The following EXOC6 variants were observed in gnomAD, a reference collection of about 807,000 sequenced individuals.
The protein encoded by EXOC6 is SEC15-like 1.
In EXOC6, 60 loss-of-function variants were observed where a neutral mutation model predicts 112.5. The ratio of observed to expected loss-of-function variants is 0.53; its 90% CI spans 0.43 to 0.66. EXOC6 has a LOEUF of 0.66. Ranked by LOEUF, EXOC6 falls within the 30% of genes least tolerant of loss-of-function variation. The pLI is 0.00. For missense variants in EXOC6, 855 were observed against 957.1 expected (o/e 0.89, Z 1.41); for synonymous variants, 295 against 308.0 (o/e 0.96, Z 0.44).
At chr10:92,895,926 AT>A (rs1174139448) in intron 4 of EXOC6, among the ~76,000 whole-genome samples, 84 of 99,182 alleles carry the variant, frequency 8.5e-4, no homozygotes, top group Admixed American at 2.1e-3. Context: ...TAAACTTATT[AT>A]TTTTTTTTTA....
chr10:93,002,111 A>G (rs1843783022), intron 19 of EXOC6, among the ~76,000 whole-genome samples: 1 of 152,186 alleles, frequency 6.6e-6, no homozygotes, highest in African/African-American at 2.4e-5. Context: ...TTGAAGCTAC[A>G]GGATTCTATT....
chr10:92,997,331 A>G, intron 18 of EXOC6, 143 bp from the exon 19 acceptor site: 1 of 629,132 alleles, frequency 1.6e-6, no homozygotes, highest in Non-Finnish European at 2.5e-6. Context: ...CACTCAGAAT[A>G]CAGAAACAGG....
At chr10:92,932,566 G>GT (rs1408039047) in intron 9 of EXOC6, among the ~76,000 whole-genome samples, 9 of 152,060 alleles carry the variant, frequency 5.9e-5, no homozygotes, top group African/African-American at 2.2e-4. Context: ...TCTGAAAAAA[G>GT]TAACTGTCAA....
intron 20 of EXOC6, among the ~76,000 whole-genome samples, chr10:93,038,080 A>C (rs888460178): frequency 1.3e-5 from 2 of 149,422 alleles, no homozygotes; most frequent in Non-Finnish European, 3.0e-5. Context: ...TTCTCTAATA[A>C]ATTTTTTTTG....
intron 9 of EXOC6, among the ~76,000 whole-genome samples, chr10:92,932,639 G>A (rs916684151): frequency 6.6e-6 from 1 of 151,474 alleles, no homozygotes; most frequent in African/African-American, 2.4e-5. Flanking sequence ...AAGAAGAGCA[G>A]AGTTGGCCAC....
At chr10:92,936,150 A>C (rs1372942574) in intron 12 of EXOC6, among the ~76,000 whole-genome samples, 3 of 152,216 alleles carry the variant, frequency 2.0e-5, no homozygotes, top group Non-Finnish European at 2.9e-5. Flanking sequence ...TAGTTGAAAA[A>C]AAGAATACAG....
At chr10:92,937,136 A>G (rs1237459360) in intron 12 of EXOC6, among the ~76,000 whole-genome samples, 1 of 152,198 alleles carries the variant, frequency 6.6e-6, no homozygotes, top group African/African-American at 2.4e-5. Context: ...ATAATAAAGA[A>G]TTGATTGCAT....
chr10:92,974,800 G>A (rs1252482949), intron 18 of EXOC6, among the ~76,000 whole-genome samples: 12 of 152,246 alleles, frequency 7.9e-5, no homozygotes, highest in Admixed American at 5.2e-4. Context: ...GCTCCTAACC[G>A]CGAGTGATCC....
intron 20 of EXOC6, among the ~76,000 whole-genome samples, chr10:93,031,510 C>CTTTTT (rs778524287): frequency 1.1e-3 from 144 of 130,448 alleles, no homozygotes; most frequent in East Asian, 1.6e-3. Flanking sequence ...TTCTTTCTTT[C>CTTTTT]TTTTTTTTTT....
intron 1 of EXOC6, among the ~76,000 whole-genome samples, chr10:92,837,097 AAC>A (rs58871930): frequency 0.018 from 2,565 of 139,828 alleles, 37 homozygotes; most frequent in African/African-American, 0.043. Context: ...GTTATAACAT[AAC>A]ACACACACAC....
chr10:93,051,235 CTACATTTGCATG>C (rs1160517221), intron 20 of EXOC6, among the ~76,000 whole-genome samples: 1 of 151,660 alleles, frequency 6.6e-6, no homozygotes, highest in Non-Finnish European at 1.5e-5. Context: ...TAAGAACATT[CTACATTTGCATG>C]TACAGTTCAC....
intron 14 of EXOC6, among the ~76,000 whole-genome samples, chr10:92,949,492 G>GTT (rs77187087): frequency 4.3e-5 from 6 of 138,016 alleles, no homozygotes; most frequent in South Asian, 2.3e-4. Flanking sequence ...TCATGGCTTA[G>GTT]TTTTTTTTTT....
chr10:92,968,590 T>C (rs1350658728), intron 17 of EXOC6, among the ~76,000 whole-genome samples: 1 of 152,176 alleles, frequency 6.6e-6, no homozygotes, highest in African/African-American at 2.4e-5. Flanking sequence ...TTTGGAAGGC[T>C]TGGAATTGTG....
At chr10:92,844,596 G>C (rs892743911), upstream of EXOC6, among the ~76,000 whole-genome samples, 8 of 151,944 alleles carry the variant, frequency 5.3e-5, no homozygotes, top group Admixed American at 2.6e-4. Context: ...TTTTTTTAAT[G>C]ATTAGGAAAA....
chr10:92,974,935 A>G (rs1427280024), intron 18 of EXOC6, among the ~76,000 whole-genome samples: 17 of 151,970 alleles, frequency 1.1e-4, no homozygotes, highest in Non-Finnish European at 2.5e-4. Context: ...CCTCCCAGCC[A>G]CCTGCCTTGG....
chr10:93,042,096 C>T (rs1181625949), intron 20 of EXOC6, among the ~76,000 whole-genome samples: 3 of 152,210 alleles, frequency 2.0e-5, no homozygotes, highest in Non-Finnish European at 4.4e-5. Flanking sequence ...CTCCTGACCC[C>T]TTCTCCAGCC....
At chr10:92,980,129 A>T (rs959711789) in intron 18 of EXOC6, among the ~76,000 whole-genome samples, 4 of 152,152 alleles carry the variant, frequency 2.6e-5, no homozygotes, top group African/African-American at 9.7e-5. Context: ...AGGCAAATTC[A>T]CGTGAGGAAT....
At chr10:92,927,595 C>T (rs1380442031) in intron 8 of EXOC6, among the ~76,000 whole-genome samples, 2 of 152,190 alleles carry the variant, frequency 1.3e-5, no homozygotes, top group African/African-American at 4.8e-5. Flanking sequence ...CCACATGTGA[C>T]TAGTGGGCTA....
At chr10:92,897,172 C>T (rs1207318492) in intron 4 of EXOC6, among the ~76,000 whole-genome samples, 1 of 152,124 alleles carries the variant, frequency 6.6e-6, no homozygotes, top group Non-Finnish European at 1.5e-5. Context: ...AGCTTATTCC[C>T]CTACTGGGCT....
Sources: allele counts gnomAD v4.1 joint callset (sites outside exome capture counted in the v4.1 genomes callset), GRCh38; gene constraint gnomAD v4.1.1; transcripts MANE v1.5; gene names NCBI Gene and HGNC (gene_info 2026-07-23, HGNC 2026-07-21).